MARCHF7: variants seen among roughly 807,000 people sequenced by gnomAD.
MARCHF7 encodes membrane associated ring-CH-type finger 7.
MARCHF7 carries 20 observed loss-of-function variants against 76.5 expected under a neutral mutation model. The observed-to-expected ratio is 0.26, with a 90% confidence interval of 0.18 to 0.38. MARCHF7 has a LOEUF of 0.38. Ranked by LOEUF, MARCHF7 falls within the 10% of genes least tolerant of loss-of-function variation. The pLI is 1.00. For missense variants in MARCHF7, 797 were observed against 812.9 expected (o/e 0.98, Z 0.24); for synonymous variants, 295 against 293.0 (o/e 1.01, Z -0.07).
chr2:159,733,757 T>G, intron 4 of MARCHF7: 1 of 985,422 alleles, frequency 1.0e-6, no homozygotes, highest in Non-Finnish European at 1.2e-6. Flanking sequence ...TTTTTACTTC[T>G]GTTTTTAGTT....
chr2:159,745,595 G>A (rs900139203), intron 5 of MARCHF7, among the ~76,000 whole-genome samples, 175 bp from the exon 6 acceptor site: 1 of 152,200 alleles, frequency 6.6e-6, no homozygotes, highest in African/African-American at 2.4e-5. Flanking sequence ...GGTGGAGGTT[G>A]CTGTGAGCTG....
chr2:159,713,610 T>C (rs554712566), intron 1 of MARCHF7, among the ~76,000 whole-genome samples: 1 of 152,294 alleles, frequency 6.6e-6, no homozygotes, highest in South Asian at 2.1e-4. Context: ...AATCCAATAG[T>C]ATACAGTTAT....
At chr2:159,760,750 C>T (rs1253896784) in intron 9 of MARCHF7, among the ~76,000 whole-genome samples, 4 of 148,232 alleles carry the variant, frequency 2.7e-5, no homozygotes, top group Admixed American at 1.3e-4. Context: ...GTTTTTGACT[C>T]GCTCTGTCAT....
At chr2:159,717,482 G>T (rs1233646085) in intron 3 of MARCHF7, among the ~76,000 whole-genome samples, 1 of 150,582 alleles carries the variant, frequency 6.6e-6, no homozygotes, top group Non-Finnish European at 1.5e-5. Flanking sequence ...ATTATTGGCT[G>T]TACCTTTGTG....
At chr2:159,760,969 A>G (rs1048551185) in intron 9 of MARCHF7, among the ~76,000 whole-genome samples, 3 of 151,922 alleles carry the variant, frequency 2.0e-5, no homozygotes, top group African/African-American at 4.8e-5. Context: ...GATTAGTTTA[A>G]TAAGTCTATT....
intron 7 of MARCHF7, 128 bp from the exon 8 acceptor site, chr2:159,752,273 GT>G: frequency 1.5e-6 from 1 of 673,938 alleles, no homozygotes; most frequent in Non-Finnish European, 2.2e-6. Context: ...TGTTGTTACT[GT>G]TTGCTTTTTT....
At position 159,767,603 on chromosome 2, in the gene MARCHF7, G is replaced by T; in HGVS notation, c.*261G>T. 3.3e-6 allele frequency: 1 copy of T among 302,820 alleles called. No homozygotes were observed. The allele number at this position is 302,820 out of a possible 1,614,324, so 18.8% of individuals were successfully genotyped here. On this transcript the variant is annotated 3_prime_UTR_variant, in exon 12 of 12. Coordinates refer to ENST00000409175, the MANE Select transcript of MARCHF7 (RefSeq NM_001282805.2). ...AAGGTTTTTTCTTTTAGGTGAGTGG[G>T]AAAGTATTACCCTTGTTTTAAATAT...
At chr2:159,759,503 AT>A (rs5835757) in intron 9 of MARCHF7, 168 bp downstream of exon 9, 103,158 of 297,942 alleles carry the variant, frequency 0.35, 11,199 homozygotes, top group South Asian at 0.42. Context: ...GAATTTCATA[AT>A]TTTTTTTTTT....
chr2:159,734,206 ATCTGTTT>A, intron 4 of MARCHF7: 1 of 829,122 alleles, frequency 1.2e-6, no homozygotes, highest in African/African-American at 1.7e-5. Context: ...GGAAGCACTA[ATCTGTTT>A]AGTGTTTGTT....
At chr2:159,753,994 A>G (rs907022291) in intron 8 of MARCHF7, among the ~76,000 whole-genome samples, 13 of 152,230 alleles carry the variant, frequency 8.5e-5, no homozygotes, top group African/African-American at 3.1e-4. Context: ...AAGGGAACCA[A>G]GTGTTCTGTT....
rs756054990 is a variant in MARCHF7, at chr2:159,748,738, T to C, written c.1448T>C (p.Leu483Ser). The C allele has an allele frequency of 1.2e-6, 2 of 1,614,056 alleles. No individual in the cohort carries two copies. Among genetic ancestry groups the C allele is most frequent in the African/African-American group, 1.3e-5 (1 of 74,934 alleles). ...ATATCAGGGATTCTTCCTGGTTCCT[T>C]ATTCCGGTTTGCAGTCCCTCCAGCA... is the stretch of plus-strand genomic sequence containing the variant. ...TGISGILPGS[L>S]FRFAVPPALG... The change falls in exon 7 of 12, where the codon TTA becomes TCA. Residue 483 changes from leucine to serine, a missense_variant. By Grantham distance (145) the Leu-to-Ser change is moderately radical. This residue lies in a region of MARCHF7 where 643 missense variants were observed against 631.5 expected (regional missense o/e 1.02). Coordinates refer to ENST00000409175, the MANE Select transcript of MARCHF7 (RefSeq NM_001282805.2).
intron 2 of MARCHF7, among the ~76,000 whole-genome samples, 159 bp downstream of exon 2, chr2:159,714,757 A>G (rs1161026515): frequency 6.6e-6 from 1 of 152,092 alleles, no homozygotes; most frequent in Non-Finnish European, 1.5e-5. Flanking sequence ...CCCCATCTCT[A>G]CGGGCATGGT....
At chr2:159,733,153 A>G in intron 4 of MARCHF7, 9 of 735,420 alleles carry the variant, frequency 1.2e-5, no homozygotes, top group Non-Finnish European at 1.5e-5. Context: ...AGGGTATAGT[A>G]TAATGTTATC....
At chr2:159,740,789 C>T (rs886573796) in intron 4 of MARCHF7, among the ~76,000 whole-genome samples, 1 of 152,180 alleles carries the variant, frequency 6.6e-6, no homozygotes, top group African/African-American at 2.4e-5. Flanking sequence ...CCTACCTTTT[C>T]AGCCTCACAC....
intron 4 of MARCHF7, among the ~76,000 whole-genome samples, chr2:159,741,530 A>G (rs766592051): frequency 9.2e-5 from 14 of 152,174 alleles, no homozygotes; most frequent in African/African-American, 1.7e-4. Context: ...TGTACTTACT[A>G]TTATAGTACT....
intron 3 of MARCHF7, among the ~76,000 whole-genome samples, chr2:159,717,707 C>G (rs1242227335): frequency 6.6e-6 from 1 of 152,156 alleles, no homozygotes; most frequent in Non-Finnish European, 1.5e-5. Flanking sequence ...GCCTTTTCCT[C>G]TGGCAAATAA....
intron 5 of MARCHF7, among the ~76,000 whole-genome samples, chr2:159,744,209 C>T (rs968004909): frequency 1.3e-5 from 2 of 151,690 alleles, no homozygotes; most frequent in Admixed American, 6.6e-5. Context: ...GGGATGGTCT[C>T]GATCTCCTGA....
chr2:159,765,844 A>G (rs956235449), intron 11 of MARCHF7, among the ~76,000 whole-genome samples: 1 of 152,172 alleles, frequency 6.6e-6, no homozygotes, highest in African/African-American at 2.4e-5. Flanking sequence ...CACTTGGTAT[A>G]AAATTTTTTC....
At chr2:159,750,691 T>C (rs922943166) in intron 7 of MARCHF7, among the ~76,000 whole-genome samples, 1 of 152,220 alleles carries the variant, frequency 6.6e-6, no homozygotes, top group Non-Finnish European at 1.5e-5. Flanking sequence ...TTAGTCATCC[T>C]AGTCTAATTA....
Sources: gnomAD v4.1 joint callset for allele counts (sites outside exome capture counted in the v4.1 genomes callset) on GRCh38, gnomAD v4.1.1 for gene constraint, gnomAD v4.1.1 regional missense constraint, MANE v1.5 for transcripts, NCBI Gene and HGNC (gene_info 2026-07-23, HGNC 2026-07-21) for gene names.